The following USH2A variants were observed in gnomAD, a reference collection of about 807,000 sequenced individuals.
USH2A encodes Usher syndrome 2A (autosomal recessive, mild).
USH2A carries 443 observed loss-of-function variants against 538.9 expected under a neutral mutation model. The ratio of observed to expected loss-of-function variants is 0.82; its 90% CI spans 0.76 to 0.89. The LOEUF (loss-of-function observed/expected upper bound fraction) is 0.89, where lower values mean the gene tolerates loss of function less well. USH2A is among the 40% of genes least tolerant of loss of function. The pLI, the probability that USH2A is intolerant of heterozygous loss-of-function variation, is 0.00. For synonymous variants in USH2A, 2,413 were observed against 2,273.5 expected, an observed-to-expected ratio of 1.06 and a Z score of -1.75; for missense variants, 6,633 against 6,324.8, an observed-to-expected ratio of 1.05 and a Z score of -1.65.
intron 38 of USH2A, among the ~76,000 whole-genome samples, chr1:215,916,425 A>G (rs1051500359): frequency 2.0e-5 from 3 of 152,122 alleles, no homozygotes; most frequent in African/African-American, 7.2e-5. Flanking sequence ...AGCAAATACA[A>G]CCTGAAGGTG....
In USH2A at chr1:215,784,660, G is replaced by C. The variant is rs74141414; in HGVS notation, c.10388-1725C>G. Among the ~76,000 whole-genome samples the C allele has an allele frequency of 8.1e-3, 1,227 of 152,292 alleles. 17 individuals carry two copies. Among genetic ancestry groups the C allele is most frequent in the African/African-American group, 0.028 (1,169 of 41,564 alleles). ...AGCTTTCAAGTGTAAGTTTCTAAAA[G>C]AGTCTGACTTAATCTAAATTGTTCT... On this transcript the variant is annotated intron_variant, in intron 52 of 71. Transcript: ENST00000307340.
At chr1:216,022,158 G>A (rs1341131734) in intron 32 of USH2A, among the ~76,000 whole-genome samples, 5 of 152,110 alleles carry the variant, frequency 3.3e-5, no homozygotes, top group African/African-American at 1.2e-4. Context: ...ACAGCCTCCA[G>A]AACCGTGAGC....
chr1:215,888,765 T>C lies in USH2A; in HGVS notation c.7884A>G (p.Pro2628=), dbSNP rs780785198. The C allele has an allele frequency of 5.6e-6, 9 of 1,614,144 alleles. No homozygotes were observed. In the South Asian group the frequency reaches 9.9e-5, roughly 18 times the overall value. The change falls in exon 41 of 72, where the codon CCA becomes CCG. Residue 2628 remains proline, a synonymous_variant. Coordinates refer to ENST00000307340, the MANE Select transcript of USH2A (RefSeq NM_206933.4). ...GAGTATCAGAGAACAGCTCTGGACT[T>C]GGGATCCCTTCCGGTGCCCCTGGGA... ...WTLPGAPEGI[P]SPELFSDTPT...
intron 36 of USH2A, among the ~76,000 whole-genome samples, chr1:215,965,962 C>CACAT (rs1553282015): frequency 1.3e-5 from 2 of 150,386 alleles, no homozygotes; most frequent in Admixed American, 6.7e-5. Context: ...CACACACACA[C>CACAT]GCATGCATAC....
chr1:216,221,455 T>C (rs2035457191), intron 14 of USH2A, among the ~76,000 whole-genome samples: 1 of 152,200 alleles, frequency 6.6e-6, no homozygotes, highest in Non-Finnish European at 1.5e-5. Context: ...CTCTTGGAGA[T>C]GGAATCAGAA....
intron 61 of USH2A, among the ~76,000 whole-genome samples, chr1:215,724,839 T>C (rs1032626271): frequency 2.6e-5 from 4 of 152,178 alleles, no homozygotes; most frequent in Non-Finnish European, 5.9e-5. Flanking sequence ...TAGTACTCAA[T>C]GGTTATTTGC....
intron 32 of USH2A, among the ~76,000 whole-genome samples, chr1:216,002,146 C>A (rs1480853059): frequency 6.6e-6 from 1 of 152,054 alleles, no homozygotes; most frequent in Non-Finnish European, 1.5e-5. Flanking sequence ...GACCAACGTT[C>A]TAGGAAACTT....
At chr1:216,394,785 C>G (rs923123793) in intron 3 of USH2A, among the ~76,000 whole-genome samples, 1 of 135,420 alleles carries the variant, frequency 7.4e-6, no homozygotes, top group African/African-American at 2.7e-5. Context: ...GTGGCGCGAT[C>G]TCCGCTCACT....
chr1:215,642,251 T>C (rs1656709441), intron 67 of USH2A, among the ~76,000 whole-genome samples: 1 of 152,230 alleles, frequency 6.6e-6, no homozygotes, highest in Admixed American at 6.5e-5. Context: ...TTATCTCATT[T>C]AATCCTCAAA....
chr1:215,643,528 T>G (rs559218859), intron 67 of USH2A, among the ~76,000 whole-genome samples: 3 of 142,076 alleles, frequency 2.1e-5, no homozygotes, highest in Admixed American at 1.4e-4. Flanking sequence ...ATAAAATCCT[T>G]TTTTTTTTTT....
At chr1:216,099,126 T>C (rs1408664806) in intron 21 of USH2A, among the ~76,000 whole-genome samples, 1 of 152,230 alleles carries the variant, frequency 6.6e-6, no homozygotes, top group Non-Finnish European at 1.5e-5. Flanking sequence ...GCAAATCAAA[T>C]TTATCCTGGC....
In USH2A at chr1:216,283,921, A is replaced by G. The variant is rs148565533; in HGVS notation, c.1971+5359T>C. Among the ~76,000 whole-genome samples, 754 of 152,218 alleles carry G rather than the reference A, an allele frequency of 5.0e-3. 7 individuals carry two copies. Among genetic ancestry groups the G allele is most frequent in the African/African-American group, 0.018 (735 of 41,520 alleles). ...CATCTCTCGTACAAAAAGAATCTTA[A>G]CCTCATGTTGGTGCCATAGCTTGGA... On this transcript the variant is annotated intron_variant, in intron 11 of 71. Coordinates refer to ENST00000307340, the MANE Select transcript of USH2A (RefSeq NM_206933.4).
intron 4 of USH2A, among the ~76,000 whole-genome samples, chr1:216,363,866 T>C (rs1160465500): frequency 6.6e-6 from 1 of 151,808 alleles, no homozygotes; most frequent in Non-Finnish European, 1.5e-5. Context: ...ATATGTATTG[T>C]AATTTTATTT....
At chr1:215,912,846 C>A (rs1000357332) in intron 38 of USH2A, among the ~76,000 whole-genome samples, 14 of 151,956 alleles carry the variant, frequency 9.2e-5, no homozygotes, top group African/African-American at 2.9e-4. Context: ...CTGTTTTTCC[C>A]TTCTTTGTGT....
intron 17 of USH2A, among the ~76,000 whole-genome samples, chr1:216,199,110 T>C (rs1365146821): frequency 6.6e-6 from 1 of 152,216 alleles, no homozygotes; most frequent in Non-Finnish European, 1.5e-5. Flanking sequence ...TTTGCTATAA[T>C]ATGTACATGA....
At chr1:215,895,997 TATG>T (rs1182825900) in intron 40 of USH2A, among the ~76,000 whole-genome samples, 1 of 152,182 alleles carries the variant, frequency 6.6e-6, no homozygotes, top group African/African-American at 2.4e-5. Flanking sequence ...ACAGTAAAAA[TATG>T]ATATCATCAT....
chr1:215,993,146 T>C lies in USH2A; in HGVS notation c.6679A>G (p.Thr2227Ala), dbSNP rs552232192. Residue 2227 changes from threonine to alanine, a missense_variant, in exon 35 of 72, where the codon ACA becomes GCA. By Grantham distance (58) the Thr-to-Ala change is moderately conservative. Coordinates refer to ENST00000307340, the MANE Select transcript of USH2A (RefSeq NM_206933.4). ...AGGGCCTCACTGGCCTCACTCACTGTGCACCCACCACCTGTGCAAGCCTAA... is the reference window on the plus strand; with the variant it reads ...AGGGCCTCACTGGCCTCACTCACTGCGCACCCACCACCTGTGCAAGCCTAA... The part of the protein sequence containing the change: ...KLGACTGGGC[T>A]VSEASEALTD... 34 of 1,614,064 alleles carry C rather than the reference T, an allele frequency of 2.1e-5. No homozygotes were observed. The South Asian group carries it at 3.3e-4, about 16-fold the overall frequency.
At chr1:216,394,504 G>C (rs1051076535) in intron 3 of USH2A, among the ~76,000 whole-genome samples, 1 of 151,738 alleles carries the variant, frequency 6.6e-6, no homozygotes, top group Non-Finnish European at 1.5e-5. Flanking sequence ...TGCACAAAAA[G>C]GTACATTTTG....
chr1:216,325,177 T>C (rs1326946198), intron 6 of USH2A, 128 bp downstream of exon 6: 11 of 1,106,010 alleles, frequency 9.9e-6, no homozygotes, highest in South Asian at 9.7e-5. Context: ...TGCCAACATG[T>C]TGATTTCATA....
Sources: gnomAD v4.1 joint callset for allele counts (sites outside exome capture counted in the v4.1 genomes callset) on GRCh38, gnomAD v4.1.1 for gene constraint, MANE v1.5 for transcripts, NCBI Gene and HGNC (gene_info 2026-07-23, HGNC 2026-07-21) for gene names.